The following PLXDC1 variants were observed in gnomAD, a reference collection of about 807,000 sequenced individuals.
PLXDC1 encodes the protein plexin domain containing 1, also known as plexin domain-containing protein 1.
PLXDC1 carries 39 observed loss-of-function variants against 61.3 expected under a neutral mutation model. The observed-to-expected ratio is 0.64, with a 90% CI of 0.49 to 0.83. The LOEUF (loss-of-function observed/expected upper bound fraction) is 0.83, where lower values mean the gene tolerates loss of function less well. Ranked by LOEUF, PLXDC1 falls within the 40% of genes least tolerant of loss-of-function variation. The pLI is 0.00. For synonymous variants in PLXDC1, 212 were observed against 254.5 expected (o/e 0.83, Z 1.59); for missense variants, 596 against 666.5 (o/e 0.89, Z 1.17).
At chr17:39,134,289 G>A (rs1911662625) in intron 2 of PLXDC1, among the ~76,000 whole-genome samples, 1 of 150,802 alleles carries the variant, frequency 6.6e-6, no homozygotes, top group Non-Finnish European at 1.5e-5. Context: ...AAAAAATAAA[G>A]TCTATTCCCT....
At chr17:39,101,875 G>A (rs536474893) in intron 7 of PLXDC1, among the ~76,000 whole-genome samples, 2 of 152,256 alleles carry the variant, frequency 1.3e-5, no homozygotes, top group East Asian at 3.9e-4. Context: ...CTAGCGGCTG[G>A]CCCTACCGAG....
rs967674324 is a variant in PLXDC1, at chr17:39,141,526, C to T, written c.77-1694G>A. Among the ~76,000 whole-genome samples, 3 of 152,106 alleles carry T rather than the reference C, an allele frequency of 2.0e-5. No individual in the cohort carries two copies. In the South Asian group the frequency reaches 6.2e-4, roughly 31 times the overall value. On this transcript the variant is annotated intron_variant, in intron 1 of 13. Transcript: ENST00000315392. ...TGTGGATATACCACATTTTGCTAAC[C>T]CACTCAACTATCAATGGATGTCTGT...
intron 9 of PLXDC1, chr17:39,081,451 T>TA (rs35707439): frequency 0.45 from 57,834 of 129,926 alleles, 13,346 homozygotes; most frequent in Admixed American, 0.62. Flanking sequence ...TCATCTCTAC[T>TA]AAAAAAAAAA....
chr17:39,071,719 C>CA lies in PLXDC1; in HGVS notation c.1222+730_1222+731insT, dbSNP rs1309907471. 2.8e-4 allele frequency among the ~76,000 whole-genome samples: 42 copies of CA among 152,308 alleles called. 1 individual carries two copies. The highest frequency in any genetic ancestry group is 1.2e-3 in the East Asian group (6 of 5,166). ...GCCACCCCCACAACACACACACACACCCACTGCCTATGGAGGAGCAATGGC... is the reference window on the plus strand; with the variant it reads ...GCCACCCCCACAACACACACACACACACCACTGCCTATGGAGGAGCAATGGC... On this transcript the variant is annotated intron_variant, in intron 12 of 13. Transcript: ENST00000315392.
rs556992946 is a variant in PLXDC1, at chr17:39,065,633, C to T, written c.*2207G>A. The T allele has an allele frequency of 6.6e-5, 10 of 152,340 alleles. No homozygotes were observed. Among genetic ancestry groups the T allele is most frequent in the Admixed American group, 5.2e-4 (8 of 15,294 alleles). 9.4% of individuals were successfully genotyped at this position (152,340 alleles called of 1,614,324 possible). On this transcript the variant is annotated 3_prime_UTR_variant, in exon 14 of 14. Transcript: ENST00000315392. ...TCAAGCAACCCTCCCACCTCAGCCT[C>T]CCAAAGTGCTGGGAGTACAGGCACG...
rs548261981 is a variant in PLXDC1 at position 39,065,365 on chromosome 17, C to T, written c.*2475G>A. The T allele has an allele frequency of 6.6e-6, 1 of 151,802 alleles. No individual in the cohort carries two copies. The highest frequency in any genetic ancestry group is 1.9e-4 in the East Asian group (1 of 5,168). 9.4% of individuals were successfully genotyped at this position (151,802 alleles called of 1,614,324 possible). A position where few individuals can be genotyped will look rare whatever the true frequency, so the allele number is the denominator to read the frequency against. ...AGAGTTAATGATTGTCTACAGGATCCCTGACAATGTAAGCATTTCTTTTTC... is the reference window on the plus strand; with the variant it reads ...AGAGTTAATGATTGTCTACAGGATCTCTGACAATGTAAGCATTTCTTTTTC... On this transcript the variant is annotated 3_prime_UTR_variant, in exon 14 of 14. Coordinates refer to ENST00000315392, the MANE Select transcript of PLXDC1 (RefSeq NM_020405.5).
At position 39,077,052 on chromosome 17, in the gene PLXDC1, G is replaced by A. The variant is rs565947340; in HGVS notation, c.1186+861C>T. Among the ~76,000 whole-genome samples the A allele has an allele frequency of 2.0e-5, 3 of 152,122 alleles. No homozygotes were observed. The South Asian group carries it at 6.2e-4, about 32-fold the overall frequency. ...CCGGCCAATTTTTATATTTTTAGTGGAGACGGGGTTTCACCATGTTGGTCA... is the reference window on the plus strand; with the variant it reads ...CCGGCCAATTTTTATATTTTTAGTGAAGACGGGGTTTCACCATGTTGGTCA... On this transcript the variant is annotated intron_variant, in intron 11 of 13. Transcript: ENST00000315392.
At chr17:39,097,045 C>A in intron 7 of PLXDC1, 1 of 470,466 alleles carries the variant, frequency 2.1e-6, no homozygotes, top group African/African-American at 2.0e-5. Flanking sequence ...ACCCTCTCCC[C>A]CAGGAGTGAG....
Position 39,065,018 on chromosome 17 carries a change from TC to T in PLXDC1, c.*2821del, listed in dbSNP as rs1395122280. 1 of 152,198 alleles carries T rather than the reference TC, an allele frequency of 6.6e-6. No homozygotes were observed. Among genetic ancestry groups the T allele is most frequent in the African/African-American group, 2.4e-5 (1 of 41,442 alleles). 9.4% of individuals were successfully genotyped at this position (152,198 alleles called of 1,614,324 possible). A position where few individuals can be genotyped will look rare whatever the true frequency, so the allele number is the denominator to read the frequency against. ...CACTCCCCAACTCTAGCACACGTTTTCCCACTGGGAGCTCGGCCAACCATTT... is the reference window on the plus strand; with the variant it reads ...CACTCCCCAACTCTAGCACACGTTTTCCACTGGGAGCTCGGCCAACCATTT... On this transcript the variant is annotated 3_prime_UTR_variant, in exon 14 of 14. Transcript: ENST00000315392.
Position 39,123,733 on chromosome 17 carries a change from G to A in PLXDC1, c.256-14342C>T, listed in dbSNP as rs562141462. Among the ~76,000 whole-genome samples, 8 of 152,304 alleles carry A rather than the reference G, an allele frequency of 5.3e-5. No homozygotes were observed. The South Asian group carries it at 1.4e-3, about 28-fold the overall frequency. On this transcript the variant is annotated intron_variant, in intron 2 of 13. Coordinates refer to ENST00000315392, the MANE Select transcript of PLXDC1 (RefSeq NM_020405.5). ...TCCGCCTCAATTAGTCATGCCCAGA[G>A]GCCCGACAGGCACTTCATTTCTGAC...
At chr17:39,112,944 C>T (rs566461043) in intron 2 of PLXDC1, 3 of 152,258 alleles carry the variant, frequency 2.0e-5, no homozygotes, top group Admixed American at 6.5e-5. Flanking sequence ...TTACCCAAAA[C>T]GATATGTTCA....
intron 1 of PLXDC1, among the ~76,000 whole-genome samples, chr17:39,145,826 TAC>T (rs1180641019): frequency 6.6e-6 from 1 of 152,068 alleles, no homozygotes; most frequent in Non-Finnish European, 1.5e-5. Flanking sequence ...TTGGACAAAT[TAC>T]ACACACTCTC....
intron 4 of PLXDC1, chr17:39,108,656 C>A: frequency 1.8e-6 from 1 of 558,252 alleles, no homozygotes. Context: ...GGACACAGGG[C>A]TGTCCACACT....
At chr17:39,142,750 C>T (rs1456504090) in intron 1 of PLXDC1, among the ~76,000 whole-genome samples, 1 of 152,200 alleles carries the variant, frequency 6.6e-6, no homozygotes, top group Non-Finnish European at 1.5e-5. Context: ...CCTACACTGG[C>T]CTTGAACTCC....
At chr17:39,142,983 C>T (rs1404215431) in intron 1 of PLXDC1, among the ~76,000 whole-genome samples, 2 of 151,944 alleles carry the variant, frequency 1.3e-5, no homozygotes, top group East Asian at 1.9e-4. Context: ...ACTAAAAATA[C>T]AAAAATTAGC....
chr17:39,108,992 A>G lies in PLXDC1; in HGVS notation c.400-19T>C. The G allele has an allele frequency of 6.3e-7, 1 of 1,595,134 alleles. No individual in the cohort carries two copies. Among genetic ancestry groups the G allele is most frequent in the Non-Finnish European group, 8.6e-7 (1 of 1,163,420 alleles). ...CCACTCTCTGCAGGGGATGGGAGAA[A>G]GTCAGCACGGGCCAAGCTGCAGGCC... On this transcript the variant is annotated intron_variant, in intron 3 of 13. Transcript: ENST00000315392.
chr17:39,103,446 G>A (rs1652158755), intron 7 of PLXDC1, among the ~76,000 whole-genome samples: 1 of 152,174 alleles, frequency 6.6e-6, no homozygotes, highest in Non-Finnish European at 1.5e-5. Context: ...GGGAGGCTGA[G>A]GTGGGAGGAT....
In PLXDC1 at chr17:39,072,625, C is replaced by T. The variant is rs1277932242; in HGVS notation, c.1187-140G>A. On this transcript the variant is annotated intron_variant, in intron 11 of 13. Transcript: ENST00000315392. ...ACTGAGGCTCAGAGAGGGGAGGAGA[C>T]TTGCTCAAGTCACACAGCAGTTGAG... The T allele has an allele frequency of 1.6e-5, 11 of 687,288 alleles. No individual in the cohort carries two copies. The Admixed American group carries it at 2.3e-4, about 14-fold the overall frequency. 42.6% of individuals were successfully genotyped at this position (687,288 alleles called of 1,614,324 possible). A position where few individuals can be genotyped will look rare whatever the true frequency, so the allele number is the denominator to read the frequency against.
At chr17:39,103,419 T>A (rs993879097) in intron 7 of PLXDC1, among the ~76,000 whole-genome samples, 6 of 152,092 alleles carry the variant, frequency 3.9e-5, no homozygotes, top group African/African-American at 1.4e-4. Context: ...GGCATGTGCC[T>A]GTGGCCCCAG....
Sources: allele counts gnomAD v4.1 joint callset (sites outside exome capture counted in the v4.1 genomes callset), GRCh38; gene constraint gnomAD v4.1.1; transcripts MANE v1.5; gene names NCBI Gene and HGNC (gene_info 2026-07-23, HGNC 2026-07-21).